RAB27A: variants seen among roughly 807,000 people sequenced by gnomAD.
The protein encoded by RAB27A is ras-related protein Rab-27A.
In RAB27A, 17 loss-of-function variants were observed where a neutral mutation model predicts 20.8. The observed-to-expected ratio is 0.82, with a 90% CI of 0.56 to 1.23. The LOEUF is 1.23. Ranked by LOEUF, RAB27A falls within the 50% of genes most tolerant of loss-of-function variation. RAB27A has a pLI of 0.00. For missense variants in RAB27A, 277 were observed against 266.7 expected (o/e 1.04, Z -0.27); for synonymous variants, 85 against 92.8 (o/e 0.92, Z 0.48).
At chr15:55,224,702 T>G (rs1484724069) in intron 5 of RAB27A, among the ~76,000 whole-genome samples, 1 of 152,190 alleles carries the variant, frequency 6.6e-6, no homozygotes, top group Admixed American at 6.5e-5. Flanking sequence ...ACCAAAGAGC[T>G]TCACTAAGCT....
At chr15:55,317,606 C>A (rs1475219582) in intron 1 of RAB27A, 6 of 396,780 alleles carry the variant, frequency 1.5e-5, no homozygotes, top group African/African-American at 1.0e-4. Context: ...AGCCACTGCG[C>A]CAGGCCTAAC....
chr15:55,305,259 C>A (rs1358082601), intron 2 of RAB27A, among the ~76,000 whole-genome samples: 1 of 152,168 alleles, frequency 6.6e-6, no homozygotes, highest in African/African-American at 2.4e-5. Context: ...TGGCCGACAA[C>A]CATTCTAACT....
At chr15:55,258,261 C>T (rs1425033067) in intron 2 of RAB27A, among the ~76,000 whole-genome samples, 3 of 152,144 alleles carry the variant, frequency 2.0e-5, no homozygotes, top group African/African-American at 7.2e-5. Flanking sequence ...AATTCACTAC[C>T]TATACCAGGT....
At chr15:55,220,413 G>A (rs12442920) in intron 6 of RAB27A, among the ~76,000 whole-genome samples, 18,655 of 152,060 alleles carry the variant, frequency 0.12, 1,435 homozygotes, top group Admixed American at 0.2. Flanking sequence ...GGAATTACAG[G>A]TGCCCGCCAC....
intron 6 of RAB27A, among the ~76,000 whole-genome samples, chr15:55,209,897 CACATATGTGTGT>C (rs1319466074): frequency 2.5e-5 from 3 of 118,742 alleles, no homozygotes; most frequent in East Asian, 2.2e-4. Context: ...TACATATATA[CACATATGTGTGT>C]GTATGTATAT....
At chr15:55,257,135 T>C (rs1021392353) in intron 2 of RAB27A, among the ~76,000 whole-genome samples, 1 of 152,006 alleles carries the variant, frequency 6.6e-6, no homozygotes, top group African/African-American at 2.4e-5. Flanking sequence ...AGCAGGACAT[T>C]TGAAGTGGGG....
At chr15:55,308,696 C>T (rs986384852) in intron 2 of RAB27A, among the ~76,000 whole-genome samples, 11 of 152,200 alleles carry the variant, frequency 7.2e-5, no homozygotes, top group Non-Finnish European at 1.3e-4. Context: ...AAGAGTTGCA[C>T]AAATGCGCAG....
rs1894560715 is a variant in RAB27A, at chr15:55,204,744, A to G, written c.*763T>C. The G allele has an allele frequency of 6.6e-6, 1 of 152,392 alleles. No homozygotes were observed. Among genetic ancestry groups the G allele is most frequent in the Admixed American group, 6.5e-5 (1 of 15,294 alleles). The allele number at this position is 152,392 out of a possible 1,614,324, so 9.4% of individuals were successfully genotyped here. ...TGTACAATCACAGTGAACTAAAGCCATAAAATCTAGTTCCCTGACCCTTCA... is the reference window on the plus strand; with the variant it reads ...TGTACAATCACAGTGAACTAAAGCCGTAAAATCTAGTTCCCTGACCCTTCA... On this transcript the variant is annotated 3_prime_UTR_variant, in exon 7 of 7. Coordinates refer to ENST00000336787, the MANE Select transcript of RAB27A (RefSeq NM_183235.3).
intron 6 of RAB27A, among the ~76,000 whole-genome samples, chr15:55,206,628 T>A (rs1894665118): frequency 6.6e-6 from 1 of 152,176 alleles, no homozygotes; most frequent in Admixed American, 6.5e-5. Context: ...AGGTGTGAGC[T>A]GCTGCACCCA....
chr15:55,298,261 G>T (rs1035651689), intron 2 of RAB27A, among the ~76,000 whole-genome samples: 3 of 150,904 alleles, frequency 2.0e-5, no homozygotes, highest in African/African-American at 7.3e-5. Flanking sequence ...TGCCCCGATA[G>T]TCACATAGGT....
chr15:55,261,113 G>A (rs1031198394), intron 2 of RAB27A, among the ~76,000 whole-genome samples: 8 of 152,042 alleles, frequency 5.3e-5, no homozygotes, highest in African/African-American at 1.5e-4. Flanking sequence ...ACTAAAACTC[G>A]GCCAGGCATG....
intron 2 of RAB27A, among the ~76,000 whole-genome samples, chr15:55,266,008 G>A (rs563181945): frequency 1.3e-5 from 2 of 152,336 alleles, no homozygotes; most frequent in South Asian, 4.1e-4. Context: ...GCCACATGGA[G>A]ACTGGAAATA....
chr15:55,228,968 T>C (rs1045897202), intron 4 of RAB27A, among the ~76,000 whole-genome samples: 5 of 152,366 alleles, frequency 3.3e-5, no homozygotes, highest in African/African-American at 1.2e-4. Context: ...CAAGAATTTA[T>C]GTACAATTAT....
intron 2 of RAB27A, among the ~76,000 whole-genome samples, chr15:55,264,744 C>T (rs1566928294): frequency 2.0e-5 from 3 of 152,110 alleles, no homozygotes; most frequent in South Asian, 4.1e-4. Flanking sequence ...AAGCTTGATG[C>T]CACTGAGGAG....
chr15:55,215,614 T>C (rs1364256301), intron 6 of RAB27A, among the ~76,000 whole-genome samples: 1 of 126,318 alleles, frequency 7.9e-6, no homozygotes, highest in Non-Finnish European at 1.6e-5. Flanking sequence ...ATCGCGCCAC[T>C]GCACTCCAGC....
Position 55,228,713 on chromosome 15 carries a change from C to G in RAB27A, c.240-1G>C. On this transcript the variant is annotated splice_acceptor_variant, in intron 4 of 6. Transcript: ENST00000336787. LOFTEE classifies it high-confidence loss of function. ...GAACGCTGTCGTTAAGCTACGAAAC[C>G]TAGGAACATAAAAGCAGAATGGTCA... is the stretch of plus-strand genomic sequence containing the variant. 1 of 1,607,134 alleles carries G rather than the reference C, an allele frequency of 6.2e-7. No individual in the cohort carries two copies. The highest frequency in any genetic ancestry group is 8.5e-7 in the Non-Finnish European group (1 of 1,173,650).
chr15:55,203,367 T>G lies in RAB27A; in HGVS notation c.*2140A>C, dbSNP rs1379806360. Reference sequence around the variant, plus strand: ...AATTATGTTGTACTGCACTGAAGTCTTATGGCAACTATATAAGGCACTGCT... The same window carrying G: ...AATTATGTTGTACTGCACTGAAGTCGTATGGCAACTATATAAGGCACTGCT... On this transcript the variant is annotated 3_prime_UTR_variant, in exon 7 of 7. Coordinates refer to ENST00000336787, the MANE Select transcript of RAB27A (RefSeq NM_183235.3). 1 of 152,050 alleles carries G rather than the reference T, an allele frequency of 6.6e-6. No individual in the cohort carries two copies. Among genetic ancestry groups the G allele is most frequent in the Admixed American group, 6.6e-5 (1 of 15,254 alleles). The allele number at this position is 152,050 out of a possible 1,614,324, so 9.4% of individuals were successfully genotyped here.
chr15:55,300,226 CA>C (rs1286863411), intron 2 of RAB27A, among the ~76,000 whole-genome samples: 2 of 152,034 alleles, frequency 1.3e-5, no homozygotes, highest in Non-Finnish European at 2.9e-5. Flanking sequence ...GACTTACTCT[CA>C]AAAGATTCAT....
At chr15:55,219,467 C>T (rs1372035793) in intron 6 of RAB27A, among the ~76,000 whole-genome samples, 1 of 152,182 alleles carries the variant, frequency 6.6e-6, no homozygotes, top group Non-Finnish European at 1.5e-5. Context: ...TTGATAGGAA[C>T]TCAAAGTGTT....
Sources: gnomAD v4.1 joint callset for allele counts (sites outside exome capture counted in the v4.1 genomes callset) on GRCh38, gnomAD v4.1.1 for gene constraint, MANE v1.5 for transcripts, NCBI Gene and HGNC (gene_info 2026-07-23, HGNC 2026-07-21) for gene names.